Variants in SLC22A15 observed in about 807,000 individuals in gnomAD.
The protein encoded by SLC22A15 is flipt 1.
A neutral mutation model predicts 62.7 loss-of-function variants in SLC22A15; 45 were observed. The ratio of observed to expected loss-of-function variants is 0.72; its 90% CI spans 0.56 to 0.92. The LOEUF (loss-of-function observed/expected upper bound fraction) is 0.92, where lower values mean the gene tolerates loss of function less well. Among genes scored for constraint, SLC22A15 ranks in the 40% least tolerant of loss-of-function variants. SLC22A15 has a pLI of 0.00. For missense variants in SLC22A15, 622 were observed against 665.6 expected, an observed-to-expected ratio of 0.93 and a Z score of 0.72; for synonymous variants, 264 against 267.0, an observed-to-expected ratio of 0.99 and a Z score of 0.11.
intron 2 of SLC22A15, chr1:116,017,365 T>A: frequency 1.7e-5 from 1 of 59,938 alleles, no homozygotes; most frequent in African/African-American, 8.3e-5. Flanking sequence ...AGTGAAACCC[T>A]GCCAAAAAAA....
chr1:116,022,531 G>A (rs1228438359), intron 4 of SLC22A15, among the ~76,000 whole-genome samples: 3 of 152,156 alleles, frequency 2.0e-5, no homozygotes, highest in Non-Finnish European at 4.4e-5. Flanking sequence ...GTCGTTGCAT[G>A]AAGATGCTGT....
intron 2 of SLC22A15, among the ~76,000 whole-genome samples, chr1:116,018,265 A>G (rs1656642628): frequency 6.6e-6 from 1 of 152,062 alleles, no homozygotes; most frequent in Admixed American, 6.5e-5. Flanking sequence ...GAATCATGCT[A>G]TATTTGTGTT....
chr1:116,060,054 A>G (rs1393829820), intron 8 of SLC22A15, among the ~76,000 whole-genome samples: 2 of 152,194 alleles, frequency 1.3e-5, no homozygotes, highest in African/African-American at 4.8e-5. Context: ...TTGGACATTC[A>G]TTGGTAACAG....
intron 2 of SLC22A15, among the ~76,000 whole-genome samples, chr1:115,993,387 C>A (rs991935366): frequency 3.3e-5 from 5 of 151,684 alleles, no homozygotes; most frequent in African/African-American, 1.2e-4. Context: ...CTTAACCACT[C>A]CTTCCTGGAA....
chr1:115,987,973 A>G (rs746316891), intron 1 of SLC22A15, among the ~76,000 whole-genome samples: 15 of 152,230 alleles, frequency 9.9e-5, no homozygotes, highest in Non-Finnish European at 1.8e-4. Flanking sequence ...TTTCCTGAGA[A>G]GTATTATAAG....
intron 7 of SLC22A15, 30 bp downstream of exon 7, chr1:116,035,357 A>C: frequency 6.3e-7 from 1 of 1,598,182 alleles, no homozygotes. Flanking sequence ...TATGAAGTGC[A>C]CCGTAGAGAA....
intron 2 of SLC22A15, among the ~76,000 whole-genome samples, chr1:116,007,513 A>C (rs962219731): frequency 1.3e-5 from 2 of 152,176 alleles, no homozygotes; most frequent in Non-Finnish European, 2.9e-5. Context: ...TGGGATCCTC[A>C]GCTGTGACAA....
intron 9 of SLC22A15, 73 bp from the exon 10 acceptor site, chr1:116,064,363 C>A (rs750932140): frequency 9.1e-7 from 1 of 1,097,862 alleles, no homozygotes; most frequent in African/African-American, 1.5e-5. Context: ...ATTCAAGGCC[C>A]GCTGCTGCCC....
At chr1:115,996,511 A>G (rs1384997803) in intron 2 of SLC22A15, among the ~76,000 whole-genome samples, 1 of 151,454 alleles carries the variant, frequency 6.6e-6, no homozygotes, top group African/African-American at 2.4e-5. Context: ...TTACTATGCA[A>G]ACCCTGAACA....
intron 2 of SLC22A15, among the ~76,000 whole-genome samples, chr1:116,007,525 A>G (rs1369518307): frequency 6.6e-6 from 1 of 152,202 alleles, no homozygotes; most frequent in Non-Finnish European, 1.5e-5. Context: ...CTGTGACAAG[A>G]TCATTCCATA....
At position 116,065,953 on chromosome 1, in the gene SLC22A15, C is replaced by T. The variant is rs565672650; in HGVS notation, c.1366-567C>T. Among the ~76,000 whole-genome samples the T allele has an allele frequency of 9.2e-5, 14 of 152,268 alleles. No individual in the cohort carries two copies. In the East Asian group the frequency reaches 2.7e-3, roughly 29 times the overall value. ...GAAACAATTGCTTGTATCACCAGCC[C>T]TTAACCATGTTCAGTTTAGAAGTTT... On this transcript the variant is annotated intron_variant, in intron 10 of 11. Transcript: ENST00000369503.
Position 116,027,197 on chromosome 1 carries a change from T to A in SLC22A15, c.728+175T>A, listed in dbSNP as rs916747045. 3 of 675,308 alleles carry A rather than the reference T, an allele frequency of 4.4e-6. No homozygotes were observed. In the African/African-American group the frequency reaches 5.3e-5, roughly 12 times the overall value. The allele number at this position is 675,308 out of a possible 1,614,324, so 41.8% of individuals were successfully genotyped here. ...TGGCAGCTCCTGGGAAGAGAGATGC[T>A]TAATTAATTCAGAATGCAGGTATCC... On this transcript the variant is annotated intron_variant, in intron 5 of 11. Coordinates refer to ENST00000369503, the MANE Select transcript of SLC22A15 (RefSeq NM_018420.3).
In SLC22A15 at chr1:116,069,975, A is replaced by G. The variant is rs1171818961; in HGVS notation, c.*2867A>G. On this transcript the variant is annotated 3_prime_UTR_variant, in exon 12 of 12. Coordinates refer to ENST00000369503, the MANE Select transcript of SLC22A15 (RefSeq NM_018420.3). ...TGGTTCTTAAATTGGAAAAATATCT[A>G]TAAATGATTACATTTTTAAGCTAAA... is the stretch of plus-strand genomic sequence containing the variant. 2 of 152,348 alleles carry G rather than the reference A, an allele frequency of 1.3e-5. No individual in the cohort carries two copies. Among genetic ancestry groups the G allele is most frequent in the Admixed American group, 6.5e-5 (1 of 15,302 alleles). The allele number at this position is 152,348 out of a possible 1,614,324, so 9.4% of individuals were successfully genotyped here.
At chr1:116,010,861 A>G (rs1044064426) in intron 2 of SLC22A15, among the ~76,000 whole-genome samples, 16 of 152,194 alleles carry the variant, frequency 1.1e-4, no homozygotes, top group Non-Finnish European at 1.8e-4. Context: ...GGCAGTTATA[A>G]TATGACTTGG....
At chr1:115,979,400 G>A (rs75885264) in intron 1 of SLC22A15, among the ~76,000 whole-genome samples, 28 of 152,204 alleles carry the variant, frequency 1.8e-4, no homozygotes, top group Non-Finnish European at 3.1e-4. Flanking sequence ...TTTCCTCAGC[G>A]TAAGATGCAA....
chr1:116,062,057 A>G (rs1309470111), intron 8 of SLC22A15, among the ~76,000 whole-genome samples: 1 of 152,050 alleles, frequency 6.6e-6, no homozygotes, highest in Non-Finnish European at 1.5e-5. Context: ...AAAAATACAA[A>G]AATTAGCTGG....
intron 8 of SLC22A15, among the ~76,000 whole-genome samples, chr1:116,051,122 A>G (rs2101532324): frequency 6.6e-6 from 1 of 152,360 alleles, no homozygotes; most frequent in Non-Finnish European, 1.5e-5. Context: ...GGTAGAATCA[A>G]TATTGTGAAA....
chr1:115,995,834 A>T (rs2101112038), intron 2 of SLC22A15, among the ~76,000 whole-genome samples: 1 of 152,308 alleles, frequency 6.6e-6, no homozygotes, highest in South Asian at 2.1e-4. Flanking sequence ...TTTAATTAAA[A>T]TTTTTATTTT....
At chr1:115,988,400 T>C (rs1200570669) in intron 1 of SLC22A15, among the ~76,000 whole-genome samples, 1 of 152,198 alleles carries the variant, frequency 6.6e-6, no homozygotes, top group Non-Finnish European at 1.5e-5. Context: ...CAGCCAAAGA[T>C]AGCAAACCAA....
Sources: allele counts gnomAD v4.1 joint callset (sites outside exome capture counted in the v4.1 genomes callset), GRCh38; gene constraint gnomAD v4.1.1; transcripts MANE v1.5; gene names NCBI Gene and HGNC (gene_info 2026-07-23, HGNC 2026-07-21).